BCKDHB: variants seen among roughly 807,000 people sequenced by gnomAD.
BCKDHB encodes branched chain keto acid dehydrogenase E1 subunit beta.
In BCKDHB, 41 loss-of-function variants were observed where a neutral mutation model predicts 48.5. That is an observed-to-expected ratio of 0.85 (90% CI 0.66 to 1.10). BCKDHB has a LOEUF of 1.10. Ranked by LOEUF, BCKDHB falls within the 50% of genes least tolerant of loss-of-function variation. The pLI is 0.00. For synonymous variants in BCKDHB, 201 were observed against 174.8 expected (o/e 1.15, Z -1.18); for missense variants, 496 against 494.2 (o/e 1.00, Z -0.03).
At chr6:80,239,025 A>G (rs1776267669) in intron 8 of BCKDHB, among the ~76,000 whole-genome samples, 1 of 152,168 alleles carries the variant, frequency 6.6e-6, no homozygotes. Context: ...GTTGGTTCCA[A>G]GTCTTTGCTA....
intron 9 of BCKDHB, among the ~76,000 whole-genome samples, chr6:80,301,211 A>C (rs1209856202): frequency 6.6e-6 from 1 of 152,202 alleles, no homozygotes; most frequent in African/African-American, 2.4e-5. Context: ...TGAGATTGAG[A>C]TGCAAAAATC....
chr6:80,425,492 G>A, the BCKDHB span, among the ~76,000 whole-genome samples: 1 of 152,142 alleles, frequency 6.6e-6, no homozygotes, highest in African/African-American at 2.4e-5. Flanking sequence ...GTGTGGTCAG[G>A]AAAGGAATTA....
At chr6:80,368,816 G>C in the BCKDHB span, among the ~76,000 whole-genome samples, 1 of 152,004 alleles carries the variant, frequency 6.6e-6, no homozygotes, top group Admixed American at 6.6e-5. Context: ...TTTGAGACTA[G>C]CCTGGGCCAA....
chr6:80,330,608 C>A (rs1213646534), intron 9 of BCKDHB, among the ~76,000 whole-genome samples: 1 of 152,068 alleles, frequency 6.6e-6, no homozygotes, highest in Non-Finnish European at 1.5e-5. Context: ...ACAAAGCTGG[C>A]AAATACCTCC....
chr6:80,362,623 C>T, the BCKDHB span, among the ~76,000 whole-genome samples: 465 of 152,248 alleles, frequency 3.1e-3, 1 homozygote, highest in Middle Eastern at 0.031. Flanking sequence ...AAAATGCTGC[C>T]TGGCTGGAAG....
At chr6:80,438,637 G>GA in the BCKDHB span, among the ~76,000 whole-genome samples, 1 of 152,026 alleles carries the variant, frequency 6.6e-6, no homozygotes, top group Non-Finnish European at 1.5e-5. Flanking sequence ...ACATATAAAT[G>GA]AAAAAAATTA....
At chr6:80,311,183 T>C (rs1768139843) in intron 9 of BCKDHB, among the ~76,000 whole-genome samples, 1 of 152,212 alleles carries the variant, frequency 6.6e-6, no homozygotes, top group Non-Finnish European at 1.5e-5. Flanking sequence ...AAGCTCTCTC[T>C]TTTTGTCTGC....
chr6:80,395,950 C>T, the BCKDHB span, among the ~76,000 whole-genome samples: 2 of 152,106 alleles, frequency 1.3e-5, no homozygotes, highest in East Asian at 1.9e-4. Context: ...GTGGTTTACA[C>T]GTGGGTGCAA....
chr6:80,318,718 A>G (rs1017648280), intron 9 of BCKDHB, among the ~76,000 whole-genome samples: 6 of 150,522 alleles, frequency 4.0e-5, no homozygotes, highest in African/African-American at 7.3e-5. Context: ...AAGAAATTAG[A>G]AAAAAAAATT....
chr6:80,366,195 G>A, the BCKDHB span, among the ~76,000 whole-genome samples: 58,427 of 152,036 alleles, frequency 0.38, 12,467 homozygotes, highest in East Asian at 0.66. Context: ...TTGTAGAGTC[G>A]AGTTCCATGT....
intron 3 of BCKDHB, among the ~76,000 whole-genome samples, chr6:80,156,831 C>T (rs184282919): frequency 2.6e-4 from 39 of 152,264 alleles, no homozygotes; most frequent in Non-Finnish European, 5.1e-4. Context: ...TTGGTGTTGA[C>T]ATTTCAGCAG....
chr6:80,139,102 T>G (rs1283835490), intron 3 of BCKDHB, among the ~76,000 whole-genome samples: 1 of 152,342 alleles, frequency 6.6e-6, no homozygotes, highest in African/African-American at 2.4e-5. Flanking sequence ...AAATGTCTTC[T>G]TCTGAGAAGT....
chr6:80,179,090 A>T (rs1281990271), intron 6 of BCKDHB, among the ~76,000 whole-genome samples: 1 of 152,060 alleles, frequency 6.6e-6, no homozygotes, highest in African/African-American at 2.4e-5. Context: ...TTGTGTGATC[A>T]CAGCTCATGG....
the BCKDHB span, among the ~76,000 whole-genome samples, chr6:80,379,149 C>T: frequency 2.0e-5 from 3 of 151,892 alleles, no homozygotes; most frequent in Admixed American, 2.0e-4. Context: ...AAAGAAACTA[C>T]AAGCCAATAC....
chr6:80,357,448 G>A, the BCKDHB span, among the ~76,000 whole-genome samples: 1 of 152,140 alleles, frequency 6.6e-6, no homozygotes. Context: ...GCAAGATGGA[G>A]GCCAAGGGAG....
chr6:80,194,531 TC>T (rs1451351299), intron 6 of BCKDHB, among the ~76,000 whole-genome samples: 1 of 152,210 alleles, frequency 6.6e-6, no homozygotes, highest in Admixed American at 6.5e-5. Flanking sequence ...GGAAGACAGT[TC>T]CTTTGTCTTT....
At chr6:80,409,034 A>G in the BCKDHB span, among the ~76,000 whole-genome samples, 1 of 152,084 alleles carries the variant, frequency 6.6e-6, no homozygotes, top group African/African-American at 2.4e-5. Context: ...CCCTCTATAC[A>G]GTGCTTTAAA....
chr6:80,433,560 G>A, the BCKDHB span, among the ~76,000 whole-genome samples: 271 of 152,330 alleles, frequency 1.8e-3, 1 homozygote, highest in Middle Eastern at 6.8e-3. Context: ...TGTGCTGGCA[G>A]TGAGAATTTC....
chr6:80,441,720 T>G, the BCKDHB span, among the ~76,000 whole-genome samples: 1 of 152,186 alleles, frequency 6.6e-6, no homozygotes, highest in South Asian at 2.1e-4. Flanking sequence ...ATGTTTGTTA[T>G]TAAATTCAAG....
Sources: allele counts gnomAD v4.1 joint callset (sites outside exome capture counted in the v4.1 genomes callset), GRCh38; gene constraint gnomAD v4.1.1; transcripts MANE v1.5; gene names NCBI Gene and HGNC (gene_info 2026-07-23, HGNC 2026-07-21).